The following GPCPD1 variants were observed in gnomAD, a reference collection of about 807,000 sequenced individuals.
The protein encoded by GPCPD1 is glycerophosphocholine phosphodiesterase GPCPD1.
GPCPD1 carries 29 observed loss-of-function variants against 89.2 expected under a neutral mutation model. The ratio of observed to expected loss-of-function variants is 0.33; its 90% CI spans 0.24 to 0.44. The LOEUF (loss-of-function observed/expected upper bound fraction) is 0.44, where lower values mean the gene tolerates loss of function less well. GPCPD1 is among the 20% of genes least tolerant of loss of function. GPCPD1 has a pLI of 1.00. For missense variants in GPCPD1, 594 were observed against 808.9 expected (o/e 0.73, Z 3.22); for synonymous variants, 258 against 266.3 (o/e 0.97, Z 0.30).
At chr20:5,605,215 A>AT (rs906139017) in intron 1 of GPCPD1, among the ~76,000 whole-genome samples, 10 of 152,168 alleles carry the variant, frequency 6.6e-5, no homozygotes, top group African/African-American at 2.4e-4. Flanking sequence ...CAAACTTGTT[A>AT]TTTTTTAAGT....
intron 8 of GPCPD1, among the ~76,000 whole-genome samples, chr20:5,577,934 A>G (rs918771608): frequency 6.6e-6 from 1 of 152,358 alleles, no homozygotes; most frequent in South Asian, 2.1e-4. Flanking sequence ...ATTTCATTAC[A>G]TATTTACAAT....
chr20:5,547,704 A>C lies in GPCPD1; in HGVS notation c.1976T>G (p.Ile659Ser). The change falls in exon 20 of 20, where the codon ATC becomes AGC. Residue 659 changes from isoleucine to serine, a missense_variant. By Grantham distance (142) the Ile-to-Ser change is moderately radical. Transcript: ENST00000379019. ...ATCAATGCCGTTGGCATCCACATGG[A>C]TATCAGACTCCCCACACAAAGATGA... ...VPSSLCGESD[I>S]HVDANGIDNV... 5 of 1,611,002 alleles carry C rather than the reference A, an allele frequency of 3.1e-6. No individual in the cohort carries two copies. The highest frequency in any genetic ancestry group is 4.2e-6 in the Non-Finnish European group (5 of 1,177,598).
At chr20:5,567,452 G>A (rs1463008276) in intron 13 of GPCPD1, 31 bp downstream of exon 13, 13 of 1,549,902 alleles carry the variant, frequency 8.4e-6, no homozygotes, top group African/African-American at 4.2e-5. Flanking sequence ...AAAGCTAAGG[G>A]ATAATTTACA....
chr20:5,563,787 T>G (rs1464838534), intron 15 of GPCPD1, among the ~76,000 whole-genome samples: 1 of 152,244 alleles, frequency 6.6e-6, no homozygotes, highest in Non-Finnish European at 1.5e-5. Flanking sequence ...ACTGAGATTT[T>G]AATGATTTAG....
chr20:5,587,031 A>T (rs1186895850), intron 4 of GPCPD1, among the ~76,000 whole-genome samples: 1 of 152,214 alleles, frequency 6.6e-6, no homozygotes, highest in African/African-American at 2.4e-5. Context: ...AAAAAAGAAC[A>T]TAAAGCTATG....
intron 7 of GPCPD1, among the ~76,000 whole-genome samples, chr20:5,579,283 C>T (rs1410324524): frequency 6.6e-6 from 1 of 152,100 alleles, no homozygotes; most frequent in Non-Finnish European, 1.5e-5. Context: ...AAATTTAGAA[C>T]ACTGAAGAAT....
At chr20:5,581,967 G>A (rs1331783442) in intron 6 of GPCPD1, among the ~76,000 whole-genome samples, 17 of 147,728 alleles carry the variant, frequency 1.2e-4, no homozygotes, top group African/African-American at 4.0e-4. Flanking sequence ...GGCGGATCAC[G>A]AGGTCAGGAG....
chr20:5,585,215 T>C (rs1978830241), intron 5 of GPCPD1: 1 of 152,158 alleles, frequency 6.6e-6, no homozygotes, highest in South Asian at 2.1e-4. Flanking sequence ...GGGAATATTA[T>C]AATTTTAAGT....
At chr20:5,591,943 G>A (rs1979356467) in intron 4 of GPCPD1, among the ~76,000 whole-genome samples, 1 of 152,170 alleles carries the variant, frequency 6.6e-6, no homozygotes, top group Non-Finnish European at 1.5e-5. Context: ...AGTATTACAA[G>A]GAGAAAAACT....
chr20:5,548,928 C>T, intron 19 of GPCPD1: 1 of 1,041,828 alleles, frequency 9.6e-7, no homozygotes, highest in African/African-American at 1.6e-5. Context: ...ACCCAGAACA[C>T]TATATTAAAC....
chr20:5,600,059 T>C (rs572224797), intron 2 of GPCPD1, among the ~76,000 whole-genome samples: 2 of 152,316 alleles, frequency 1.3e-5, no homozygotes, highest in African/African-American at 4.8e-5. Flanking sequence ...AAAAAGATAA[T>C]GAACTGAGTC....
intron 6 of GPCPD1, among the ~76,000 whole-genome samples, chr20:5,582,969 A>G (rs2064714): frequency 0.64 from 96,483 of 151,416 alleles, 31,217 homozygotes; most frequent in African/African-American, 0.73. Context: ...GTGCGGTGGC[A>G]CACGCCTGTA....
chr20:5,567,871 T>A lies in GPCPD1; in HGVS notation c.1150-311A>T, dbSNP rs1600734088. ...AGGATAGAACCAGAAGTCAGTCATC[T>A]CCCCTACTTCCTGTTATGCTGTCTA... On this transcript the variant is annotated intron_variant, in intron 12 of 19. Transcript: ENST00000379019. 4.1e-5 allele frequency: 9 copies of A among 220,444 alleles called. No homozygotes were observed. The East Asian group carries it at 7.7e-4, about 19-fold the overall frequency. 13.7% of individuals were successfully genotyped at this position (220,444 alleles called of 1,614,324 possible).
chr20:5,610,760 C>A (rs1980917900), intron 1 of GPCPD1, 82 bp downstream of exon 1: 1 of 150,282 alleles, frequency 6.7e-6, no homozygotes, highest in South Asian at 1.9e-4. Flanking sequence ...CGCCCCAGGC[C>A]CGCCGCGTCC....
At chr20:5,596,412 CA>C (rs1270152806) in intron 3 of GPCPD1, among the ~76,000 whole-genome samples, 1 of 152,064 alleles carries the variant, frequency 6.6e-6, no homozygotes, top group African/African-American at 2.4e-5. Flanking sequence ...AAAAAAGAAT[CA>C]GAACTATTTG....
intron 12 of GPCPD1, among the ~76,000 whole-genome samples, chr20:5,568,849 G>A (rs574566659): frequency 4.6e-5 from 7 of 152,218 alleles, no homozygotes; most frequent in Admixed American, 1.3e-4. Flanking sequence ...GGAGGTGGAG[G>A]TTGAGCCAAG....
chr20:5,588,408 G>A (rs1395607373), intron 4 of GPCPD1, among the ~76,000 whole-genome samples: 1 of 152,056 alleles, frequency 6.6e-6, no homozygotes, highest in Non-Finnish European at 1.5e-5. Context: ...GTGAGGCTGA[G>A]GCACGAGAAT....
chr20:5,573,851 G>T, intron 11 of GPCPD1, 64 bp downstream of exon 11: 1 of 866,952 alleles, frequency 1.2e-6, no homozygotes, highest in Non-Finnish European at 2.0e-6. Flanking sequence ...ATAAAAACTG[G>T]AGGAGACTCC....
intron 3 of GPCPD1, among the ~76,000 whole-genome samples, chr20:5,593,634 G>A: frequency 6.6e-6 from 1 of 152,226 alleles, no homozygotes; most frequent in East Asian, 1.9e-4. Context: ...TGTGTGGGTA[G>A]ACAGAAAAAT....
Sources: gnomAD v4.1 joint callset for allele counts (sites outside exome capture counted in the v4.1 genomes callset) on GRCh38, gnomAD v4.1.1 for gene constraint, MANE v1.5 for transcripts, NCBI Gene and HGNC (gene_info 2026-07-23, HGNC 2026-07-21) for gene names.